The following GPRC5B variants were observed in gnomAD, a reference collection of about 807,000 sequenced individuals.
GPRC5B encodes the protein G protein-coupled receptor family C group 5 member B.
In GPRC5B, 16 loss-of-function variants were observed where a neutral mutation model predicts 30.1. The ratio of observed to expected loss-of-function variants is 0.53; its 90% CI spans 0.36 to 0.81. GPRC5B has a LOEUF of 0.81. GPRC5B is among the 30% of genes least tolerant of loss of function. GPRC5B has a pLI of 0.01. For synonymous variants in GPRC5B, 241 were observed against 239.5 expected, an observed-to-expected ratio of 1.01 and a Z score of -0.06; for missense variants, 428 against 544.7, an observed-to-expected ratio of 0.79 and a Z score of 2.13.
intron 1 of GPRC5B, among the ~76,000 whole-genome samples, chr16:19,874,226 C>G (rs768806770): frequency 6.6e-6 from 1 of 152,136 alleles, no homozygotes; most frequent in Admixed American, 6.6e-5. Flanking sequence ...CTCTCTTGCC[C>G]ATATACGAGC....
chr16:19,858,176 AG>A lies in GPRC5B; in HGVS notation c.*2323del. ...GCAAAGATGTCTCTTGATACTTTTCAGGTGTAGTCATTAGAAAAAGAACAGC... is the reference window on the plus strand; with the variant it reads ...GCAAAGATGTCTCTTGATACTTTTCAGTGTAGTCATTAGAAAAAGAACAGC... On this transcript the variant is annotated 3_prime_UTR_variant, in exon 4 of 4. Transcript: ENST00000300571. 3.9e-6 allele frequency: 1 copy of A among 255,464 alleles called. No homozygotes were observed. Among genetic ancestry groups the A allele is most frequent in the Non-Finnish European group, 7.4e-6 (1 of 135,582 alleles). The allele number at this position is 255,464 out of a possible 1,614,324, so 15.8% of individuals were successfully genotyped here. A position where few individuals can be genotyped will look rare whatever the true frequency, so the allele number is the denominator to read the frequency against.
At chr16:19,864,911 ATTTTTTTTT>A (rs1163249399) in intron 2 of GPRC5B, among the ~76,000 whole-genome samples, 32 of 126,054 alleles carry the variant, frequency 2.5e-4, no homozygotes, top group African/African-American at 9.4e-4. Context: ...GCCCGGTCTC[ATTTTTTTTT>A]TTTTTTTTTT....
chr16:19,880,714 C>T (rs2056800684), intron 1 of GPRC5B, among the ~76,000 whole-genome samples: 1 of 152,198 alleles, frequency 6.6e-6, no homozygotes, highest in African/African-American at 2.4e-5. Context: ...AGGCATCTCT[C>T]TTGCGGAGTC....
rs930283962 is a variant in GPRC5B, at chr16:19,859,251, G to C, written c.*1249C>G. ...ACAGTGCAGAGAACATGGGGGCTTT[G>C]AATGGCCGAGATGTTCGAAATGCTA... is the stretch of plus-strand genomic sequence containing the variant. On this transcript the variant is annotated 3_prime_UTR_variant, in exon 4 of 4. Transcript: ENST00000300571. The C allele has an allele frequency of 3.3e-5, 5 of 152,642 alleles. No homozygotes were observed. The highest frequency in any genetic ancestry group is 1.2e-4 in the African/African-American group (5 of 41,438). The allele number at this position is 152,642 out of a possible 1,614,324, so 9.5% of individuals were successfully genotyped here. A position where few individuals can be genotyped will look rare whatever the true frequency, so the allele number is the denominator to read the frequency against.
At position 19,872,806 on chromosome 16, in the gene GPRC5B, C is replaced by T. The variant is rs2056733563; in HGVS notation, c.40G>A (p.Val14Met). The T allele has an allele frequency of 1.9e-6, 3 of 1,613,678 alleles. No individual in the cohort carries two copies. Among genetic ancestry groups the T allele is most frequent in the Admixed American group, 1.7e-5 (1 of 60,000 alleles). Residue 14 changes from valine (V) to methionine (M), a missense_variant, in exon 2 of 4, where the codon GTG (valine) becomes ATG (methionine). Coordinates refer to ENST00000300571, the MANE Select transcript of GPRC5B (RefSeq NM_016235.3). This position sits in a 1 kb window ranked among gnomAD's most constrained non-coding sequence, Gnocchi z 5.0. ...ACGAAGAGCAGGAGGAAGGTGAGCA[C>T]CTGGTGAGCTCTCATCTTTCTCTCT... is the stretch of plus-strand genomic sequence containing the variant. The part of the protein sequence containing the change: ...ASERKMRAHQ[V>M]LTFLLLFVIT...
At chr16:19,880,310 G>T (rs2141153134) in intron 1 of GPRC5B, among the ~76,000 whole-genome samples, 1 of 150,906 alleles carries the variant, frequency 6.6e-6, no homozygotes, top group South Asian at 2.1e-4. Flanking sequence ...TTTGTCCACC[G>T]CTGGTTTCCA....
Position 19,858,366 on chromosome 16 carries a change from A to G in GPRC5B, c.*2134T>C, listed in dbSNP as rs1682439900. The G allele has an allele frequency of 2.2e-6, 1 of 454,854 alleles. No homozygotes were observed. The highest frequency in any genetic ancestry group is 3.9e-6 in the Non-Finnish European group (1 of 256,228). 28.2% of individuals were successfully genotyped at this position (454,854 alleles called of 1,614,324 possible). A position where few individuals can be genotyped will look rare whatever the true frequency, so the allele number is the denominator to read the frequency against. On this transcript the variant is annotated 3_prime_UTR_variant, in exon 4 of 4. Transcript: ENST00000300571. ...TTAAATGAGGCTTCCCATGGCTCAAAGATGGCTCTGTTCTTATGCTGGGGA... is the reference window on the plus strand; with the variant it reads ...TTAAATGAGGCTTCCCATGGCTCAAGGATGGCTCTGTTCTTATGCTGGGGA...
chr16:19,871,679 A>G, intron 2 of GPRC5B, 137 bp downstream of exon 2: 1 of 746,756 alleles, frequency 1.3e-6, no homozygotes, highest in South Asian at 1.7e-5. Context: ...TCAGCCCAGG[A>G]GTCAACATTT....
chr16:19,858,582 C>T lies in GPRC5B; in HGVS notation c.*1918G>A. The T allele has an allele frequency of 1.5e-6, 1 of 648,274 alleles. No homozygotes were observed. Among genetic ancestry groups the T allele is most frequent in the Non-Finnish European group, 2.8e-6 (1 of 358,308 alleles). The allele number at this position is 648,274 out of a possible 1,614,324, so 40.2% of individuals were successfully genotyped here. On this transcript the variant is annotated 3_prime_UTR_variant, in exon 4 of 4. Transcript: ENST00000300571. The stretch of plus-strand genomic sequence containing the variant: ...ATGTGTAATGCTGTCGTTTTTTCAC[C>T]GGACAGGACCGAGGTGTTTGAAGAT...
intron 1 of GPRC5B, among the ~76,000 whole-genome samples, chr16:19,880,765 T>A (rs1395033822): frequency 6.6e-6 from 1 of 152,200 alleles, no homozygotes; most frequent in African/African-American, 2.4e-5. Context: ...GCCATTCTCT[T>A]GGGAACCAGC....
At chr16:19,861,319 A>G (rs1338755099) in intron 3 of GPRC5B, among the ~76,000 whole-genome samples, 6 of 152,166 alleles carry the variant, frequency 3.9e-5, no homozygotes. Flanking sequence ...AATTCTGCTG[A>G]AGGTCTGTTT....
upstream of GPRC5B, chr16:19,885,339 C>A (rs1052666167): frequency 1.7e-5 from 21 of 1,205,494 alleles, no homozygotes; most frequent in Middle Eastern, 2.3e-4. The surrounding 1 kb of genome is among the most constrained non-coding windows in gnomAD (Gnocchi z 5.3). Context: ...AGGATCGATC[C>A]CGCCCGGTGC....
At chr16:19,885,089 A>G (rs2056840639), upstream of GPRC5B, 2 of 805,350 alleles carry the variant, frequency 2.5e-6, no homozygotes, top group African/African-American at 1.8e-5. This position sits in a 1 kb window ranked among gnomAD's most constrained non-coding sequence, Gnocchi z 5.3. Flanking sequence ...CGTGCCCCCA[A>G]TTCGGGGACA....
intron 2 of GPRC5B, among the ~76,000 whole-genome samples, chr16:19,867,517 A>G (rs1332276989): frequency 6.6e-6 from 1 of 152,238 alleles, no homozygotes; most frequent in African/African-American, 2.4e-5. Flanking sequence ...ATACTTGGGT[A>G]GCTCTGGCAT....
chr16:19,870,935 A>G (rs2056712267), intron 2 of GPRC5B, among the ~76,000 whole-genome samples: 1 of 151,782 alleles, frequency 6.6e-6, no homozygotes, highest in African/African-American at 2.4e-5. Context: ...AAGAAGCCAG[A>G]AACCTGTATT....
intron 1 of GPRC5B, among the ~76,000 whole-genome samples, chr16:19,880,625 C>A (rs900479341): frequency 1.3e-5 from 2 of 152,126 alleles, no homozygotes; most frequent in Admixed American, 6.6e-5. Flanking sequence ...TCTTCTGCAA[C>A]CTGCAGCAGG....
intron 1 of GPRC5B, among the ~76,000 whole-genome samples, chr16:19,878,074 C>T (rs1051290110): frequency 6.6e-6 from 1 of 151,914 alleles, no homozygotes; most frequent in African/African-American, 2.4e-5. Flanking sequence ...TGGCACGTGC[C>T]TGTGATCCCA....
chr16:19,861,692 TA>T (rs1346697482), intron 3 of GPRC5B, 144 bp downstream of exon 3: 2 of 646,700 alleles, frequency 3.1e-6, no homozygotes, highest in Non-Finnish European at 5.5e-6. Flanking sequence ...AGAAGAAAAA[TA>T]AAAGCATTGC....
At chr16:19,862,023 A>G (rs780572043) in intron 2 of GPRC5B, 50 bp from the exon 3 acceptor site, 25 of 1,605,414 alleles carry the variant, frequency 1.6e-5, no homozygotes, top group African/African-American at 2.7e-5. Flanking sequence ...AAAAGACACA[A>G]TTTTGTTTTC....
Sources: gnomAD v4.1 joint callset for allele counts (sites outside exome capture counted in the v4.1 genomes callset) on GRCh38, gnomAD v4.1.1 for gene constraint, Gnocchi (gnomAD v3.1) non-coding constraint, MANE v1.5 for transcripts, NCBI Gene and HGNC (gene_info 2026-07-23, HGNC 2026-07-21) for gene names.